The following SYN3 variants were observed in gnomAD, a reference collection of about 807,000 sequenced individuals.
SYN3 encodes the protein synapsin-3.
In SYN3, 35 loss-of-function variants were observed where a neutral mutation model predicts 65.8. That is an observed-to-expected ratio of 0.53 (90% CI 0.41 to 0.70). The LOEUF (loss-of-function observed/expected upper bound fraction) is 0.70. SYN3 is among the 30% of genes least tolerant of loss of function. The probability of loss-of-function intolerance (pLI) is 0.00; values close to 1 mark genes in which losing one functional copy is unlikely to be tolerated. For synonymous variants in SYN3, 270 were observed against 292.9 expected, an observed-to-expected ratio of 0.92 and a Z score of 0.80; for missense variants, 680 against 749.0, an observed-to-expected ratio of 0.91 and a Z score of 1.08.
intron 1 of SYN3, among the ~76,000 whole-genome samples, chr22:33,054,699 T>C (rs1445198112): frequency 1.3e-5 from 2 of 152,216 alleles, no homozygotes; most frequent in African/African-American, 4.8e-5. Flanking sequence ...AACCACGTTT[T>C]CACATAGCAT....
chr22:32,668,623 G>A (rs2060322840), intron 6 of SYN3, among the ~76,000 whole-genome samples: 3 of 151,924 alleles, frequency 2.0e-5, no homozygotes. Context: ...GTATTTCAAG[G>A]AGCCAGCAAT....
chr22:32,707,725 T>C (rs897246908), intron 6 of SYN3, among the ~76,000 whole-genome samples: 1 of 152,174 alleles, frequency 6.6e-6, no homozygotes, highest in Non-Finnish European at 1.5e-5. Context: ...CAGGTGGTAA[T>C]GGTTTGGCCT....
At chr22:32,600,381 A>G (rs1034173424) in intron 6 of SYN3, among the ~76,000 whole-genome samples, 1 of 152,172 alleles carries the variant, frequency 6.6e-6, no homozygotes, top group Admixed American at 6.5e-5. Context: ...GTGGCTGTAA[A>G]TACAGATGAA....
Position 32,798,685 on chromosome 22 carries a change from C to CTTTT in SYN3, c.711+66226_711+66229dup, listed in dbSNP as rs751710119. Among the ~76,000 whole-genome samples, 295 of 92,364 alleles carry CTTTT rather than the reference C, an allele frequency of 3.2e-3. 4 individuals carry two copies. The highest frequency in any genetic ancestry group is 7.9e-3 in the Middle Eastern group (1 of 126). The allele number at this position is 92,364 out of a possible 152,430, so 60.6% of individuals were successfully genotyped here. ...AAGCAGGAGAGCCTGCATCTTCATT[C>CTTTT]TTTTTTTTTTTTTTTTTTTTTTTGG... On this transcript the variant is annotated intron_variant, in intron 6 of 13. Coordinates refer to ENST00000358763, the MANE Select transcript of SYN3 (RefSeq NM_003490.4).
intron 3 of SYN3, among the ~76,000 whole-genome samples, chr22:32,967,255 C>T (rs2051876323): frequency 6.6e-6 from 1 of 152,200 alleles, no homozygotes. Flanking sequence ...CTAAAACTCC[C>T]TGAGATGAGG....
intron 6 of SYN3, among the ~76,000 whole-genome samples, chr22:32,807,100 T>C (rs1399448949): frequency 1.3e-5 from 2 of 150,932 alleles, no homozygotes; most frequent in African/African-American, 2.4e-5. Flanking sequence ...CCCAGTCTCC[T>C]GACTGCCCCC....
At chr22:33,003,228 C>T (rs138386872) in intron 2 of SYN3, among the ~76,000 whole-genome samples, 15 of 152,240 alleles carry the variant, frequency 9.9e-5, no homozygotes, top group African/African-American at 3.4e-4. Flanking sequence ...GAGTGGGATG[C>T]TTCTGTAAAG....
chr22:32,737,745 A>T (rs5998603), intron 6 of SYN3, among the ~76,000 whole-genome samples: 1 of 151,758 alleles, frequency 6.6e-6, no homozygotes. Context: ...CATATCTCCC[A>T]GTGCTCCTCT....
chr22:32,710,147 C>T (rs544849417), intron 6 of SYN3, among the ~76,000 whole-genome samples: 8 of 147,126 alleles, frequency 5.4e-5, no homozygotes, highest in African/African-American at 2.0e-4. Flanking sequence ...ACTTTTCATA[C>T]ATATTTCCAG....
At chr22:32,859,647 T>G (rs1601562635) in intron 6 of SYN3, 1 of 501,978 alleles carries the variant, frequency 2.0e-6, no homozygotes, top group East Asian at 3.4e-5. Context: ...GAACCTGTAT[T>G]CCTCTTCTTC....
chr22:32,745,771 G>A (rs1457752244), intron 6 of SYN3, among the ~76,000 whole-genome samples: 2 of 152,062 alleles, frequency 1.3e-5, no homozygotes, highest in Admixed American at 1.3e-4. Flanking sequence ...AGAGGCAGAA[G>A]GGAGAAAAAA....
At chr22:32,827,755 T>C (rs1479386190) in intron 6 of SYN3, among the ~76,000 whole-genome samples, 1 of 152,196 alleles carries the variant, frequency 6.6e-6, no homozygotes, top group Non-Finnish European at 1.5e-5. Flanking sequence ...ATCTGGCCTC[T>C]GTCTCCCTTG....
chr22:32,916,755 TA>T (rs1389246678), intron 4 of SYN3, among the ~76,000 whole-genome samples: 3 of 152,190 alleles, frequency 2.0e-5, no homozygotes. Flanking sequence ...TTTTAATAAG[TA>T]GGGTAGAGGT....
chr22:32,625,710 C>T (rs755184902), intron 6 of SYN3, among the ~76,000 whole-genome samples: 6 of 152,174 alleles, frequency 3.9e-5, no homozygotes, highest in Non-Finnish European at 7.3e-5. Flanking sequence ...CCACCTCTTC[C>T]CCTGACAGTG....
At chr22:32,754,400 C>T (rs2045232248) in intron 6 of SYN3, among the ~76,000 whole-genome samples, 2 of 152,314 alleles carry the variant, frequency 1.3e-5, no homozygotes, top group South Asian at 2.1e-4. Context: ...GATCTGCCCG[C>T]CTTGGCCTCC....
intron 3 of SYN3, among the ~76,000 whole-genome samples, chr22:32,967,206 C>A (rs1462906605): frequency 6.6e-6 from 1 of 152,206 alleles, no homozygotes; most frequent in Non-Finnish European, 1.5e-5. Flanking sequence ...CTGCCATCTG[C>A]CTCAGGCACC....
chr22:32,600,940 G>C (rs2059273282), intron 6 of SYN3, among the ~76,000 whole-genome samples: 1 of 152,182 alleles, frequency 6.6e-6, no homozygotes, highest in African/African-American at 2.4e-5. Context: ...ACCCACCTCG[G>C]CCTGCCAAAG....
chr22:32,848,508 A>G (rs1300245336), intron 6 of SYN3, among the ~76,000 whole-genome samples: 1 of 152,206 alleles, frequency 6.6e-6, no homozygotes, highest in Non-Finnish European at 1.5e-5. Context: ...TGAAATGTAC[A>G]TGGCACATAG....
At chr22:32,706,131 C>T (rs868833245) in intron 6 of SYN3, among the ~76,000 whole-genome samples, 2 of 152,184 alleles carry the variant, frequency 1.3e-5, no homozygotes, top group East Asian at 1.9e-4. Context: ...ACAACCTTGT[C>T]TTTTGCCGGT....
Sources: allele counts gnomAD v4.1 joint callset (sites outside exome capture counted in the v4.1 genomes callset), GRCh38; gene constraint gnomAD v4.1.1; transcripts MANE v1.5; gene names NCBI Gene and HGNC (gene_info 2026-07-23, HGNC 2026-07-21).